The following ELP4 variants were observed in gnomAD, a reference collection of about 807,000 sequenced individuals.
The protein encoded by ELP4 is elongator complex protein 4.
ELP4 carries 51 observed loss-of-function variants against 48.9 expected under a neutral mutation model. The observed-to-expected ratio is 1.04, with a 90% CI of 0.83 to 1.32. ELP4 has a LOEUF of 1.32. Ranked by LOEUF, ELP4 falls within the 40% of genes most tolerant of loss-of-function variation. The pLI is 0.00. For synonymous variants in ELP4, 210 were observed against 189.2 expected (o/e 1.11, Z -0.90); for missense variants, 519 against 514.6 (o/e 1.01, Z -0.08).
intron 3 of ELP4, among the ~76,000 whole-genome samples, chr11:31,548,978 A>C (rs1416049664): frequency 6.6e-6 from 1 of 152,164 alleles, no homozygotes; most frequent in Non-Finnish European, 1.5e-5. Context: ...CTTATACAAA[A>C]ATCAATTCAA....
chr11:31,706,619 TATTTA>T (rs964336320), intron 9 of ELP4, among the ~76,000 whole-genome samples: 6 of 148,496 alleles, frequency 4.0e-5, no homozygotes, highest in African/African-American at 1.5e-4. Flanking sequence ...TATATTTATA[TATTTA>T]ATTCATATAT....
chr11:31,783,546 A>C lies in ELP4; in HGVS notation c.*22A>C. 6.2e-7 allele frequency: 1 copy of C among 1,609,968 alleles called. No homozygotes were observed. The highest frequency in any genetic ancestry group is 8.5e-7 in the Non-Finnish European group (1 of 1,177,790). ...CTAGGGATTCCTCCTTAGTCGCTGC[A>C]TGCAGAATTCTATGACACTCTAATT... On this transcript the variant is annotated 3_prime_UTR_variant, in exon 10 of 10. Coordinates refer to ENST00000640961, the MANE Select transcript of ELP4 (RefSeq NM_019040.5).
chr11:31,715,100 G>A, intron 9 of ELP4: 1 of 300,604 alleles, frequency 3.3e-6, no homozygotes, highest in African/African-American at 2.1e-5. Flanking sequence ...CGTTGGCTCA[G>A]ATGGCAACTC....
chr11:31,655,648 A>T lies in ELP4; in HGVS notation c.1143+5427A>T, dbSNP rs183038996. Among the ~76,000 whole-genome samples the T allele has an allele frequency of 1.0e-3, 159 of 152,088 alleles. 1 individual carries two copies. The highest frequency in any genetic ancestry group is 3.3e-3 in the African/African-American group (137 of 41,528). On this transcript the variant is annotated intron_variant, in intron 9 of 9. Coordinates refer to ENST00000640961, the MANE Select transcript of ELP4 (RefSeq NM_019040.5). ...CTAAAACCACAGCAGCTCTCACACAAAACAAGCTTACACGACACAATCATG... is the reference window on the plus strand; with the variant it reads ...CTAAAACCACAGCAGCTCTCACACATAACAAGCTTACACGACACAATCATG...
chr11:31,510,157 T>C, intron 1 of ELP4, 150 bp downstream of exon 1: 1 of 724,858 alleles, frequency 1.4e-6, no homozygotes, highest in Non-Finnish European at 2.3e-6. Context: ...TGGAGGGGAA[T>C]ACGGGTTGTG....
chr11:31,632,438 T>A, intron 7 of ELP4, 33 bp downstream of exon 7: 1 of 1,555,674 alleles, frequency 6.4e-7, no homozygotes, highest in Non-Finnish European at 8.8e-7. Flanking sequence ...TTTTCATAAT[T>A]CATAGTAATA....
At chr11:31,527,427 C>T (rs2133888295) in intron 2 of ELP4, among the ~76,000 whole-genome samples, 1 of 151,980 alleles carries the variant, frequency 6.6e-6, no homozygotes, top group South Asian at 2.1e-4. Context: ...TTATAGACAT[C>T]TAAAATCAAT....
chr11:31,667,629 C>G (rs1945708345), intron 9 of ELP4, among the ~76,000 whole-genome samples: 1 of 152,102 alleles, frequency 6.6e-6, no homozygotes, highest in South Asian at 2.1e-4. Flanking sequence ...TCCTGAAGAA[C>G]ACTGTCAAAA....
chr11:31,756,940 A>G (rs1015737622), intron 9 of ELP4, among the ~76,000 whole-genome samples: 4 of 152,238 alleles, frequency 2.6e-5, no homozygotes, highest in Admixed American at 2.6e-4. Context: ...GATTAAGAGT[A>G]TGAAGTGCAT....
At chr11:31,694,999 T>C (rs1177719829) in intron 9 of ELP4, among the ~76,000 whole-genome samples, 1 of 152,200 alleles carries the variant, frequency 6.6e-6, no homozygotes, top group African/African-American at 2.4e-5. Context: ...TTTTTGCACA[T>C]TGATTTTGTA....
At chr11:31,668,398 A>G (rs1229949570) in intron 9 of ELP4, among the ~76,000 whole-genome samples, 1 of 152,098 alleles carries the variant, frequency 6.6e-6, no homozygotes, top group South Asian at 2.1e-4. Context: ...ACAGATTAAC[A>G]CTATTTTTAA....
At chr11:31,636,613 AT>A (rs1215913422) in intron 7 of ELP4, among the ~76,000 whole-genome samples, 1 of 151,992 alleles carries the variant, frequency 6.6e-6, no homozygotes, top group Non-Finnish European at 1.5e-5. Context: ...AGGGAAAATA[AT>A]GACATAGATT....
At chr11:31,662,537 G>A in intron 9 of ELP4, 2 of 397,714 alleles carry the variant, frequency 5.0e-6, no homozygotes, top group East Asian at 3.6e-5. Flanking sequence ...GCATCACTAA[G>A]TTGAGATCTT....
intron 9 of ELP4, among the ~76,000 whole-genome samples, chr11:31,655,123 G>A (rs1343752765): frequency 1.3e-5 from 2 of 151,896 alleles, no homozygotes; most frequent in Non-Finnish European, 2.9e-5. Context: ...TTTTTTACAT[G>A]TGTACATTTT....
At chr11:31,532,114 A>G (rs1233568758) in intron 2 of ELP4, among the ~76,000 whole-genome samples, 1 of 152,182 alleles carries the variant, frequency 6.6e-6, no homozygotes, top group East Asian at 1.9e-4. Flanking sequence ...TATTATTCCT[A>G]TATCATAGTT....
intron 3 of ELP4, among the ~76,000 whole-genome samples, chr11:31,553,748 A>G (rs1956888581): frequency 6.6e-6 from 1 of 151,468 alleles, no homozygotes; most frequent in Admixed American, 6.6e-5. Context: ...ACACACACAC[A>G]CACACACACA....
chr11:31,579,705 G>T (rs7105973), intron 3 of ELP4, among the ~76,000 whole-genome samples: 1,673 of 149,892 alleles, frequency 0.011, 31 homozygotes, highest in African/African-American at 0.039. Context: ...AAACACCACA[G>T]GTTCTCACTC....
chr11:31,731,567 GGTGTGTGTGTGTGTGTGT>G (rs148076836), intron 9 of ELP4, among the ~76,000 whole-genome samples: 20 of 142,866 alleles, frequency 1.4e-4, no homozygotes, highest in African/African-American at 2.9e-4. Context: ...CCATTAAGCA[GGTGTGTGTGTGTGTGTGT>G]GTGTGTGTGT....
chr11:31,742,543 G>A (rs1000438610), intron 9 of ELP4, among the ~76,000 whole-genome samples: 18 of 152,206 alleles, frequency 1.2e-4, no homozygotes, highest in African/African-American at 3.9e-4. Flanking sequence ...CAGACTAACG[G>A]CTGATCTCTC....
Sources: gnomAD v4.1 joint callset for allele counts (sites outside exome capture counted in the v4.1 genomes callset) on GRCh38, gnomAD v4.1.1 for gene constraint, MANE v1.5 for transcripts, NCBI Gene and HGNC (gene_info 2026-07-23, HGNC 2026-07-21) for gene names.